EXT2: variants seen among roughly 807,000 people sequenced by gnomAD.
The protein encoded by EXT2 is exostosin-2.
A neutral mutation model predicts 81.6 loss-of-function variants in EXT2; 53 were observed. That is an observed-to-expected ratio of 0.65 (90% CI 0.52 to 0.82). EXT2 has a LOEUF of 0.82. Ranked by LOEUF, EXT2 falls within the 40% of genes least tolerant of loss-of-function variation. The probability of loss-of-function intolerance (pLI) is 0.00; values close to 1 mark genes in which losing one functional copy is unlikely to be tolerated. For synonymous variants in EXT2, 320 were observed against 340.0 expected, an observed-to-expected ratio of 0.94 and a Z score of 0.65; for missense variants, 774 against 910.2, an observed-to-expected ratio of 0.85 and a Z score of 1.93.
chr11:44,240,850 A>G (rs993900750), intron 13 of EXT2, among the ~76,000 whole-genome samples: 1 of 152,210 alleles, frequency 6.6e-6, no homozygotes, highest in African/African-American at 2.4e-5. Context: ...CAACTGTAGA[A>G]TACATCCTTC....
At chr11:44,106,910 T>C (rs1365678546) in intron 1 of EXT2, among the ~76,000 whole-genome samples, 1 of 152,248 alleles carries the variant, frequency 6.6e-6, no homozygotes, top group African/African-American at 2.4e-5. Context: ...ATTATAGACG[T>C]GAGCCACCGC....
intron 10 of EXT2, among the ~76,000 whole-genome samples, chr11:44,217,863 C>T (rs911303813): frequency 6.6e-6 from 1 of 152,110 alleles, no homozygotes; most frequent in African/African-American, 2.4e-5. Flanking sequence ...TTCTTTCATT[C>T]TTTGATCCTC....
rs182794926 is a variant in EXT2 at position 44,247,395 on chromosome 11, G to T, written c.*3108G>T. ...CTCCTGAGTAGCTGGGATTACAGGC[G>T]CTTGCCACCACGCCTGGCTAATTTG... On this transcript the variant is annotated 3_prime_UTR_variant, in exon 14 of 14. Coordinates refer to ENST00000533608, the MANE Select transcript of EXT2 (RefSeq NM_207122.2). 6.6e-6 allele frequency among the ~76,000 whole-genome samples: 1 copy of T among 151,570 alleles called. No individual in the cohort carries two copies. The highest frequency in any genetic ancestry group is 6.6e-5 in the Admixed American group (1 of 15,186).
chr11:44,195,374 A>G (rs1590637807), intron 8 of EXT2, among the ~76,000 whole-genome samples: 1 of 151,822 alleles, frequency 6.6e-6, no homozygotes, highest in South Asian at 2.1e-4. Flanking sequence ...ACGGAGGTTG[A>G]GGTGAGCCGA....
At chr11:44,209,909 C>T (rs1955627304) in intron 10 of EXT2, among the ~76,000 whole-genome samples, 1 of 152,182 alleles carries the variant, frequency 6.6e-6, no homozygotes, top group African/African-American at 2.4e-5. Flanking sequence ...ATTGCTATGC[C>T]CTCTGTGCCT....
chr11:44,182,055 A>T (rs1243197229), intron 8 of EXT2, among the ~76,000 whole-genome samples: 1 of 152,170 alleles, frequency 6.6e-6, no homozygotes, highest in South Asian at 2.1e-4. Context: ...GAAAGGATGG[A>T]TAATAATTCT....
intron 7 of EXT2, among the ~76,000 whole-genome samples, chr11:44,139,836 G>C (rs1954621883): frequency 6.6e-6 from 1 of 152,110 alleles, no homozygotes; most frequent in Admixed American, 6.5e-5. Context: ...TCATTTTAAA[G>C]TCCTTATCAG....
At chr11:44,236,478 G>T in intron 13 of EXT2, 103 bp downstream of exon 13, 1 of 1,046,490 alleles carries the variant, frequency 9.6e-7, no homozygotes. Context: ...ACAGCAGCTG[G>T]TAGCCATAGT....
intron 1 of EXT2, among the ~76,000 whole-genome samples, chr11:44,099,726 A>C (rs894764594): frequency 3.3e-5 from 5 of 152,224 alleles, no homozygotes; most frequent in African/African-American, 1.2e-4. Context: ...AGACTTGCAA[A>C]TACTTAACCA....
In EXT2 at chr11:44,176,922, T is replaced by TAAA. The variant is rs35564934; in HGVS notation, c.1305+5195_1305+5197dup. ...TAGATGCAGCTGCCTTAGTTTAATGTAAAAAAAAAAAAAAAAAGGCCTACG... is the reference window on the plus strand; with the variant it reads ...TAGATGCAGCTGCCTTAGTTTAATGTAAAAAAAAAAAAAAAAAAAAGGCCTACG... On this transcript the variant is annotated intron_variant, in intron 8 of 13. Coordinates refer to ENST00000533608, the MANE Select transcript of EXT2 (RefSeq NM_207122.2). Among the ~76,000 whole-genome samples the TAAA allele has an allele frequency of 4.2e-4, 55 of 131,862 alleles. No homozygotes were observed. The South Asian group carries it at 6.5e-3, about 16-fold the overall frequency. The allele number at this position is 131,862 out of a possible 152,430, so 86.5% of individuals were successfully genotyped here. A position where few individuals can be genotyped will look rare whatever the true frequency, so the allele number is the denominator to read the frequency against.
chr11:44,118,708 C>G (rs1954258049), intron 4 of EXT2, among the ~76,000 whole-genome samples: 1 of 151,958 alleles, frequency 6.6e-6, no homozygotes, highest in Non-Finnish European at 1.5e-5. Context: ...AATTCAGTGC[C>G]CTATTTCGAG....
At chr11:44,098,716 G>C (rs1291197518) in intron 1 of EXT2, among the ~76,000 whole-genome samples, 1 of 149,678 alleles carries the variant, frequency 6.7e-6, no homozygotes, top group African/African-American at 2.5e-5. Context: ...AAAAAAAGCA[G>C]GGGTGGGGAA....
chr11:44,192,188 C>G (rs1955400670), intron 8 of EXT2, among the ~76,000 whole-genome samples: 1 of 152,134 alleles, frequency 6.6e-6, no homozygotes, highest in African/African-American at 2.4e-5. Context: ...GCACATGCCG[C>G]TCAGCTTGCC....
At chr11:44,225,468 A>G (rs1056199887) in intron 10 of EXT2, among the ~76,000 whole-genome samples, 1 of 152,128 alleles carries the variant, frequency 6.6e-6, no homozygotes, top group Non-Finnish European at 1.5e-5. Context: ...ATGGGAGCAA[A>G]GGGTTTTTTC....
At chr11:44,124,014 TACTA>T (rs982898631) in intron 4 of EXT2, among the ~76,000 whole-genome samples, 5 of 151,686 alleles carry the variant, frequency 3.3e-5, no homozygotes, top group African/African-American at 1.2e-4. Flanking sequence ...ACTTCAGACT[TACTA>T]ACTTTGTGTT....
intron 10 of EXT2, among the ~76,000 whole-genome samples, chr11:44,229,168 A>AAAAG (rs1423124504): frequency 6.6e-6 from 1 of 152,196 alleles, no homozygotes; most frequent in East Asian, 1.9e-4. Flanking sequence ...TGGTGCTGAG[A>AAAAG]AAAGGAAGCT....
chr11:44,243,719 G>GT (rs1956064136), intron 13 of EXT2, among the ~76,000 whole-genome samples: 2 of 140,444 alleles, frequency 1.4e-5, no homozygotes, highest in African/African-American at 2.6e-5. Context: ...GATCCAAGTA[G>GT]TTTTTTTTCT....
intron 5 of EXT2, among the ~76,000 whole-genome samples, chr11:44,126,246 C>G (rs1954402110): frequency 6.6e-6 from 1 of 152,106 alleles, no homozygotes; most frequent in Admixed American, 6.5e-5. Flanking sequence ...TTTTATAGAA[C>G]ATATTAGTCT....
intron 7 of EXT2, among the ~76,000 whole-genome samples, chr11:44,132,621 C>T (rs542414867): frequency 6.6e-5 from 10 of 152,288 alleles, no homozygotes; most frequent in Middle Eastern, 3.4e-3. Flanking sequence ...CTCTCCTTGA[C>T]AACATTAATA....
Sources: gnomAD v4.1 joint callset for allele counts (sites outside exome capture counted in the v4.1 genomes callset) on GRCh38, gnomAD v4.1.1 for gene constraint, MANE v1.5 for transcripts, NCBI Gene and HGNC (gene_info 2026-07-23, HGNC 2026-07-21) for gene names.